Variants in LIMD1 observed in about 807,000 individuals in gnomAD.
LIMD1 encodes the protein LIM domain-containing protein 1.
LIMD1 carries 23 observed loss-of-function variants against 58.4 expected under a neutral mutation model. That is an observed-to-expected ratio of 0.39 (90% CI 0.28 to 0.56). The LOEUF (loss-of-function observed/expected upper bound fraction) is 0.56. Among genes scored for constraint, LIMD1 ranks in the 20% least tolerant of loss-of-function variants. The pLI, the probability that LIMD1 is intolerant of heterozygous loss-of-function variation, is 0.57. For missense variants in LIMD1, 838 were observed against 855.5 expected, an observed-to-expected ratio of 0.98 and a Z score of 0.25; for synonymous variants, 334 against 345.5, an observed-to-expected ratio of 0.97 and a Z score of 0.37.
intron 1 of LIMD1, among the ~76,000 whole-genome samples, chr3:45,597,136 A>T (rs1417762231): frequency 6.6e-6 from 1 of 152,122 alleles, no homozygotes; most frequent in Non-Finnish European, 1.5e-5. Context: ...CTGGGATTAC[A>T]GGCGTGAGCC....
At chr3:45,648,399 G>A (rs140132768) in intron 2 of LIMD1, among the ~76,000 whole-genome samples, 1 of 152,270 alleles carries the variant, frequency 6.6e-6, no homozygotes, top group South Asian at 2.1e-4. Flanking sequence ...GTTCATCCAC[G>A]TTGTAGTATG....
chr3:45,673,748 T>G, intron 6 of LIMD1: 1 of 533,814 alleles, frequency 1.9e-6, no homozygotes, highest in East Asian at 3.2e-5. Context: ...ACCTCATCTC[T>G]ACAAAAAATT....
At chr3:45,619,175 T>C (rs1360935766) in intron 1 of LIMD1, among the ~76,000 whole-genome samples, 6 of 152,182 alleles carry the variant, frequency 3.9e-5, no homozygotes, top group Non-Finnish European at 8.8e-5. Flanking sequence ...TTTATTTATC[T>C]ATTATTTTTT....
At chr3:45,596,359 A>G in intron 1 of LIMD1, 72 bp downstream of exon 1, 1 of 1,231,798 alleles carries the variant, frequency 8.1e-7, no homozygotes, top group South Asian at 1.5e-5. Flanking sequence ...CATGCCCCCT[A>G]CCAGGGATGC....
intron 6 of LIMD1, 50 bp from the exon 7 acceptor site, chr3:45,674,293 G>C: frequency 6.8e-7 from 1 of 1,478,688 alleles, no homozygotes; most frequent in Non-Finnish European, 9.4e-7. Context: ...AAGCCCGACA[G>C]CCCCCCTAAC....
At chr3:45,653,957 A>T (rs1266123179) in intron 2 of LIMD1, among the ~76,000 whole-genome samples, 2 of 151,424 alleles carry the variant, frequency 1.3e-5, no homozygotes, top group African/African-American at 4.8e-5. Flanking sequence ...AACCTATTCT[A>T]GAAAAGCTAT....
chr3:45,639,699 A>G (rs1365330805), intron 2 of LIMD1, among the ~76,000 whole-genome samples: 3 of 152,062 alleles, frequency 2.0e-5, no homozygotes, highest in Non-Finnish European at 4.4e-5. Context: ...TTTTGCTCTT[A>G]TTGCCCAGGC....
chr3:45,633,039 A>G (rs535499556), intron 1 of LIMD1, among the ~76,000 whole-genome samples: 193 of 152,280 alleles, frequency 1.3e-3, no homozygotes, highest in African/African-American at 4.1e-3. Flanking sequence ...TTGAGAGCAT[A>G]AGGTACCTAA....
chr3:45,672,096 A>G (rs1697591993), intron 4 of LIMD1, among the ~76,000 whole-genome samples: 1 of 152,160 alleles, frequency 6.6e-6, no homozygotes, highest in Admixed American at 6.5e-5. Flanking sequence ...AACTTTACTT[A>G]TTACACTTGG....
At chr3:45,619,026 C>T (rs1181091850) in intron 1 of LIMD1, among the ~76,000 whole-genome samples, 3 of 152,062 alleles carry the variant, frequency 2.0e-5, no homozygotes, top group African/African-American at 4.8e-5. Flanking sequence ...ATGTATGCAT[C>T]ACTAAAAATG....
At chr3:45,624,361 G>T (rs146263672) in intron 1 of LIMD1, among the ~76,000 whole-genome samples, 1 of 152,172 alleles carries the variant, frequency 6.6e-6, no homozygotes, top group African/African-American at 2.4e-5. Context: ...GTGAGACGGG[G>T]GTAGGAGCAG....
At chr3:45,671,941 C>G (rs2125670424) in intron 4 of LIMD1, among the ~76,000 whole-genome samples, 2 of 152,302 alleles carry the variant, frequency 1.3e-5, no homozygotes, top group South Asian at 2.1e-4. Flanking sequence ...TCTTCTCTTT[C>G]CTGCTGTCCA....
chr3:45,666,637 C>T (rs1321836561), intron 3 of LIMD1, among the ~76,000 whole-genome samples: 2 of 152,172 alleles, frequency 1.3e-5, no homozygotes, highest in Non-Finnish European at 2.9e-5. Flanking sequence ...CTCTTCTGTG[C>T]TGCCACCATG....
intron 7 of LIMD1, 62 bp downstream of exon 7, chr3:45,674,473 G>A (rs1325236211): frequency 6.0e-6 from 8 of 1,323,870 alleles, no homozygotes; most frequent in Non-Finnish European, 8.7e-6. Context: ...AAAGCATCCT[G>A]CGTTGACTGG....
At chr3:45,612,099 CTT>C (rs10687129) in intron 1 of LIMD1, among the ~76,000 whole-genome samples, 2 of 147,936 alleles carry the variant, frequency 1.4e-5, no homozygotes, top group African/African-American at 2.5e-5. Flanking sequence ...CTCTCTCTCT[CTT>C]TAAAGACAAA....
intron 1 of LIMD1, among the ~76,000 whole-genome samples, chr3:45,623,927 T>A (rs1701648067): frequency 6.6e-6 from 1 of 152,172 alleles, no homozygotes; most frequent in African/African-American, 2.4e-5. Context: ...GAATTTGATA[T>A]GCGTGTTAGT....
intron 1 of LIMD1, among the ~76,000 whole-genome samples, chr3:45,621,156 A>G (rs997202085): frequency 3.3e-5 from 5 of 152,234 alleles, no homozygotes; most frequent in Non-Finnish European, 5.9e-5. Flanking sequence ...AAGAGAGACA[A>G]CCACTAAATG....
At chr3:45,624,780 C>G (rs968877348) in intron 1 of LIMD1, among the ~76,000 whole-genome samples, 1 of 152,002 alleles carries the variant, frequency 6.6e-6, no homozygotes, top group African/African-American at 2.4e-5. Flanking sequence ...CTGACTTGGT[C>G]GTCACCCTGG....
intron 2 of LIMD1, among the ~76,000 whole-genome samples, chr3:45,652,818 C>G (rs976705052): frequency 9.2e-5 from 14 of 152,212 alleles, no homozygotes; most frequent in African/African-American, 3.4e-4. Flanking sequence ...AGACCCTCTG[C>G]ACATCTCTGG....
Sources: gnomAD v4.1 joint callset for allele counts (sites outside exome capture counted in the v4.1 genomes callset) on GRCh38, gnomAD v4.1.1 for gene constraint, MANE v1.5 for transcripts, NCBI Gene and HGNC (gene_info 2026-07-23, HGNC 2026-07-21) for gene names.